IARS1: variants seen among roughly 807,000 people sequenced by gnomAD.
The protein encoded by IARS1 is isoleucyl-tRNA synthetase 1.
IARS1 carries 124 observed loss-of-function variants against 168.2 expected under a neutral mutation model. The observed-to-expected ratio is 0.74, with a 90% CI of 0.64 to 0.86. The LOEUF is 0.86. IARS1 is among the 40% of genes least tolerant of loss of function. IARS1 has a pLI of 0.00. For missense variants in IARS1, 1,452 were observed against 1,515.8 expected, an observed-to-expected ratio of 0.96 and a Z score of 0.70; for synonymous variants, 532 against 529.4, an observed-to-expected ratio of 1.00 and a Z score of -0.07.
chr9:92,233,497 A>C (rs1827032009), intron 30 of IARS1, among the ~76,000 whole-genome samples: 1 of 152,238 alleles, frequency 6.6e-6, no homozygotes, highest in Non-Finnish European at 1.5e-5. Context: ...TCTGATGTTA[A>C]GATCACACCA....
At chr9:92,213,542 G>T (rs955253479) in intron 33 of IARS1, among the ~76,000 whole-genome samples, 1 of 152,178 alleles carries the variant, frequency 6.6e-6, no homozygotes, top group Non-Finnish European at 1.5e-5. Flanking sequence ...CAAGTCAAGG[G>T]ATGCCTGGCG....
intron 33 of IARS1, among the ~76,000 whole-genome samples, 180 bp downstream of exon 33, chr9:92,222,340 C>CAAAAAAAAAAAAA (rs60335070): frequency 3.6e-5 from 2 of 55,394 alleles, no homozygotes; most frequent in Non-Finnish European, 6.4e-5. Context: ...GACTCAGTCT[C>CAAAAAAAAAAAAA]AAAAAAAAAA....
chr9:92,235,277 G>T (rs1305540428), intron 30 of IARS1, among the ~76,000 whole-genome samples: 4 of 152,136 alleles, frequency 2.6e-5, no homozygotes, highest in East Asian at 3.9e-4. Context: ...AATATGAGTT[G>T]TGATTGCCTT....
chr9:92,234,054 C>A (rs143666643), intron 30 of IARS1, among the ~76,000 whole-genome samples: 281 of 152,318 alleles, frequency 1.8e-3, no homozygotes, highest in Non-Finnish European at 3.5e-3. Flanking sequence ...AACCACCACG[C>A]CTGACCTAGC....
intron 25 of IARS1, among the ~76,000 whole-genome samples, chr9:92,248,982 C>G (rs1456066081): frequency 2.6e-5 from 4 of 152,118 alleles, no homozygotes; most frequent in Non-Finnish European, 5.9e-5. Context: ...ACACTATAAA[C>G]TTTGACCCCA....
At chr9:92,270,039 G>A (rs773800836) in intron 12 of IARS1, 56 bp from the exon 13 acceptor site, 52 of 1,071,626 alleles carry the variant, frequency 4.9e-5, no homozygotes, top group East Asian at 9.5e-5. Flanking sequence ...TAGGCACTAC[G>A]GTAAGACTGA....
intron 33 of IARS1, among the ~76,000 whole-genome samples, chr9:92,217,619 A>T (rs1330304149): frequency 6.6e-6 from 1 of 151,594 alleles, no homozygotes; most frequent in African/African-American, 2.4e-5. Flanking sequence ...AGAAATACAA[A>T]CTACCATCAG....
chr9:92,253,461 T>C lies in IARS1; in HGVS notation c.2138-8A>G, dbSNP rs1304846701. On this transcript the variant is annotated splice_region_variant and splice_polypyrimidine_tract_variant and intron_variant, in intron 20 of 33. Coordinates refer to ENST00000443024, the MANE Select transcript of IARS1 (RefSeq NM_002161.6). The stretch of plus-strand genomic sequence containing the variant: ...CAGTATAAAGCCTATAAGCTAAAAG[T>C]AAGACAAGTCAATCAGGCAGCAAGT... 2.5e-6 allele frequency: 4 copies of C among 1,600,916 alleles called. No homozygotes were observed. Among genetic ancestry groups the C allele is most frequent in the Non-Finnish European group, 3.4e-6 (4 of 1,168,534 alleles).
chr9:92,251,972 T>TA, intron 21 of IARS1, 87 bp from the exon 22 acceptor site: 1 of 942,866 alleles, frequency 1.1e-6, no homozygotes, highest in Non-Finnish European at 1.7e-6. Flanking sequence ...AGAGGCAATC[T>TA]TCAAAGAACA....
chr9:92,215,448 A>T (rs1423800275), intron 33 of IARS1, among the ~76,000 whole-genome samples: 3 of 152,242 alleles, frequency 2.0e-5, no homozygotes, highest in South Asian at 2.1e-4. Flanking sequence ...CTGAGAGAAG[A>T]GGGCTTCAGA....
chr9:92,233,517 G>GT lies in IARS1; in HGVS notation c.3284-4392dup, dbSNP rs1413175027. On this transcript the variant is annotated intron_variant, in intron 30 of 33. Coordinates refer to ENST00000443024, the MANE Select transcript of IARS1 (RefSeq NM_002161.6). ...TGTTAAGATCACACCATTGGACTGG[G>GT]TAAGAATTATCATAACTCTTGTGAA... 2.6e-5 allele frequency among the ~76,000 whole-genome samples: 4 copies of GT among 152,302 alleles called. No homozygotes were observed. The South Asian group carries it at 8.3e-4, about 32-fold the overall frequency.
chr9:92,246,714 G>C (rs938760148), intron 26 of IARS1, among the ~76,000 whole-genome samples: 1 of 152,126 alleles, frequency 6.6e-6, no homozygotes, highest in African/African-American at 2.4e-5. Context: ...ATCTGGCTAA[G>C]TGTGGTAGTA....
chr9:92,236,224 C>T (rs1227791200), intron 30 of IARS1, among the ~76,000 whole-genome samples: 3 of 151,532 alleles, frequency 2.0e-5, no homozygotes, highest in African/African-American at 4.8e-5. Flanking sequence ...CCTCAGGTGA[C>T]CCACCCGCCT....
In IARS1 at chr9:92,287,900, A is replaced by G. The variant is rs1452630644; in HGVS notation, c.287T>C (p.Ile96Thr). 2 of 1,613,782 alleles carry G rather than the reference A, an allele frequency of 1.2e-6. No individual in the cohort carries two copies. The highest frequency in any genetic ancestry group is 2.2e-5 in the South Asian group (2 of 91,018). The change falls in exon 4 of 34, where the codon ATT (isoleucine) becomes ACT (threonine). Residue 96 changes from isoleucine to threonine, a missense_variant. Physicochemically the swap from Ile to Thr is moderately conservative, Grantham distance 89. Transcript: ENST00000443024. ...DCHGLPVEYE[I>T]DKTLGIRGPE... ...TCCTCTGATTCCCAGTGTCTTATCAATTTCATATTCCTGAAAATTTGTGAT... is the reference window on the plus strand; with the variant it reads ...TCCTCTGATTCCCAGTGTCTTATCAGTTTCATATTCCTGAAAATTTGTGAT...
intron 30 of IARS1, among the ~76,000 whole-genome samples, chr9:92,234,487 T>C (rs1021449285): frequency 2.6e-5 from 4 of 152,194 alleles, no homozygotes; most frequent in African/African-American, 9.7e-5. Context: ...TCTGGTCAAC[T>C]GACCCAGGAA....
At chr9:92,259,878 G>A (rs1349643224) in intron 18 of IARS1, among the ~76,000 whole-genome samples, 1 of 152,210 alleles carries the variant, frequency 6.6e-6, no homozygotes, top group Non-Finnish European at 1.5e-5. Context: ...GAGGCAATCA[G>A]CATCTAGCCT....
At chr9:92,219,821 G>A (rs905986590) in intron 33 of IARS1, among the ~76,000 whole-genome samples, 11 of 144,984 alleles carry the variant, frequency 7.6e-5, no homozygotes, top group Non-Finnish European at 1.5e-4. Context: ...CTGTTGGTGG[G>A]ACTGTAAACT....
intron 30 of IARS1, among the ~76,000 whole-genome samples, chr9:92,230,979 T>C (rs1826584709): frequency 6.6e-6 from 1 of 152,258 alleles, no homozygotes; most frequent in Admixed American, 6.5e-5. Context: ...TTACGTATTC[T>C]AGATATGTCT....
At chr9:92,246,913 A>T (rs964218801) in intron 26 of IARS1, among the ~76,000 whole-genome samples, 1 of 152,226 alleles carries the variant, frequency 6.6e-6, no homozygotes, top group Non-Finnish European at 1.5e-5. Context: ...AAAAGGATGG[A>T]CCGGTGCAGT....
Sources: gnomAD v4.1 joint callset for allele counts (sites outside exome capture counted in the v4.1 genomes callset) on GRCh38, gnomAD v4.1.1 for gene constraint, MANE v1.5 for transcripts, NCBI Gene and HGNC (gene_info 2026-07-23, HGNC 2026-07-21) for gene names.